PEX5L: variants seen among roughly 807,000 people sequenced by gnomAD.
PEX5L encodes the protein PEX5-related protein.
A neutral mutation model predicts 84.0 loss-of-function variants in PEX5L; 30 were observed. That is an observed-to-expected ratio of 0.36 (90% CI 0.27 to 0.48). PEX5L has a LOEUF of 0.48. PEX5L is among the 20% of genes least tolerant of loss of function. The pLI, the probability that PEX5L is intolerant of heterozygous loss-of-function variation, is 0.99. For synonymous variants in PEX5L, 270 were observed against 283.1 expected, an observed-to-expected ratio of 0.95 and a Z score of 0.46; for missense variants, 533 against 754.6, an observed-to-expected ratio of 0.71 and a Z score of 3.44.
At chr3:179,898,409 T>C (rs1242525010) in intron 2 of PEX5L, 163 bp from the exon 3 acceptor site, 2 of 455,234 alleles carry the variant, frequency 4.4e-6, no homozygotes, top group Admixed American at 3.8e-5. Flanking sequence ...ACACAAAATC[T>C]GAAAAAAGAT....
chr3:179,975,672 C>G (rs1407091477), intron 1 of PEX5L, among the ~76,000 whole-genome samples: 1 of 152,198 alleles, frequency 6.6e-6, no homozygotes, highest in African/African-American at 2.4e-5. Flanking sequence ...AAAAGACCTT[C>G]TTACTGTTTT....
intron 8 of PEX5L, among the ~76,000 whole-genome samples, chr3:179,821,994 T>C (rs984734766): frequency 2.0e-5 from 3 of 152,248 alleles, no homozygotes; most frequent in Non-Finnish European, 4.4e-5. Context: ...CAAAAATATC[T>C]TTCCTTTTTT....
intron 2 of PEX5L, among the ~76,000 whole-genome samples, chr3:179,899,811 A>C (rs1323786855): frequency 1.3e-5 from 2 of 152,192 alleles, no homozygotes; most frequent in African/African-American, 4.8e-5. Context: ...TGGAATATCA[A>C]ATACTAGAGA....
rs182197021 is a variant in PEX5L at position 179,812,480 on chromosome 3, G to A, written c.1084-609C>T. Among the ~76,000 whole-genome samples, 5 of 152,016 alleles carry A rather than the reference G, an allele frequency of 3.3e-5. No individual in the cohort carries two copies. The East Asian group carries it at 9.7e-4, about 29-fold the overall frequency. ...ATTTATACATTTCATCGTACCTTAA[G>A]CCCTTTTTCATGTTTTTACAAAATC... On this transcript the variant is annotated intron_variant, in intron 10 of 14. Transcript: ENST00000467460.
At chr3:179,876,636 A>G (rs1752507543) in intron 5 of PEX5L, among the ~76,000 whole-genome samples, 1 of 152,218 alleles carries the variant, frequency 6.6e-6, no homozygotes, top group Admixed American at 6.5e-5. Flanking sequence ...GCATTAGTAC[A>G]GTCGCACTGC....
intron 2 of PEX5L, among the ~76,000 whole-genome samples, chr3:179,942,354 C>T (rs1776370979): frequency 6.6e-6 from 1 of 152,236 alleles, no homozygotes; most frequent in African/African-American, 2.4e-5. Context: ...ACCCGATGTC[C>T]CTCTCGCGGC....
chr3:179,811,240 T>C (rs1442036687), intron 11 of PEX5L, among the ~76,000 whole-genome samples: 1 of 145,306 alleles, frequency 6.9e-6, no homozygotes, highest in Non-Finnish European at 1.5e-5. Context: ...TGTGTGTGTG[T>C]GTGTGTGCAT....
chr3:179,838,838 A>G (rs1735965772), intron 8 of PEX5L, among the ~76,000 whole-genome samples: 1 of 152,150 alleles, frequency 6.6e-6, no homozygotes, highest in South Asian at 2.1e-4. Context: ...TTAAGAAGGA[A>G]ACGCTTTATA....
intron 2 of PEX5L, among the ~76,000 whole-genome samples, chr3:179,964,419 G>T (rs746934706): frequency 3.9e-5 from 6 of 152,054 alleles, no homozygotes; most frequent in Non-Finnish European, 8.8e-5. Flanking sequence ...TGCCAAAAGC[G>T]ATTGCAACAA....
chr3:179,999,771 G>C (rs1031623805), intron 1 of PEX5L, among the ~76,000 whole-genome samples: 1 of 152,182 alleles, frequency 6.6e-6, no homozygotes, highest in Non-Finnish European at 1.5e-5. Flanking sequence ...TCGCTTTATG[G>C]CTAAAGAAGT....
At chr3:179,889,095 G>T (rs1441516848) in intron 3 of PEX5L, among the ~76,000 whole-genome samples, 2 of 152,034 alleles carry the variant, frequency 1.3e-5, no homozygotes, top group East Asian at 1.9e-4. Flanking sequence ...GATTTTTTAA[G>T]AACTTATTTG....
At chr3:180,024,991 CTA>C (rs1461323108) in intron 1 of PEX5L, among the ~76,000 whole-genome samples, 2 of 152,128 alleles carry the variant, frequency 1.3e-5, no homozygotes, top group Non-Finnish European at 2.9e-5. Context: ...TTAGAAGAAT[CTA>C]TTATATTTCT....
intron 2 of PEX5L, among the ~76,000 whole-genome samples, chr3:179,906,586 G>A (rs1763296611): frequency 1.3e-5 from 2 of 152,114 alleles, no homozygotes; most frequent in Admixed American, 6.5e-5. Flanking sequence ...TCCCAAATTT[G>A]TTATAGTTTG....
chr3:179,813,095 C>T (rs550265298), intron 10 of PEX5L, among the ~76,000 whole-genome samples: 74 of 152,282 alleles, frequency 4.9e-4, no homozygotes, highest in South Asian at 1.0e-3. Flanking sequence ...ACAGCAACCT[C>T]TATTTTGATT....
intron 2 of PEX5L, among the ~76,000 whole-genome samples, chr3:179,940,974 C>T (rs897169031): frequency 6.6e-6 from 1 of 152,142 alleles, no homozygotes. Flanking sequence ...ATGTGCCAGG[C>T]GTTATGGTAG....
chr3:179,872,668 G>T (rs1052134932), intron 7 of PEX5L, among the ~76,000 whole-genome samples: 6 of 152,132 alleles, frequency 3.9e-5, no homozygotes, highest in African/African-American at 1.4e-4. Flanking sequence ...TGGCAACCAG[G>T]GACACCAGCT....
Position 179,878,805 on chromosome 3 carries a change from C to T in PEX5L, c.505+1124G>A, listed in dbSNP as rs141460163. Among the ~76,000 whole-genome samples the T allele has an allele frequency of 3.2e-3, 484 of 152,254 alleles. 2 individuals are homozygous for T. Among genetic ancestry groups the T allele is most frequent in the African/African-American group, 0.011 (469 of 41,536 alleles). ...AACTGATGTGGGTTTTCTTTCATTG[C>T]TACATATAGTTAATATTTTATTATA... is the stretch of plus-strand genomic sequence containing the variant. On this transcript the variant is annotated intron_variant, in intron 5 of 14. Transcript: ENST00000467460.
At position 179,857,295 on chromosome 3, in the gene PEX5L, T is replaced by C. The variant is rs1744368137; in HGVS notation, c.822+1767A>G. ...AGAGGAAAGATTAATTCTGACTTGC[T>C]CCAGAGGGGGTAAAACCAAGACCAA... On this transcript the variant is annotated intron_variant, in intron 8 of 14. Coordinates refer to ENST00000467460, the MANE Select transcript of PEX5L (RefSeq NM_016559.3). 2.0e-5 allele frequency among the ~76,000 whole-genome samples: 3 copies of C among 152,284 alleles called. No homozygotes were observed. The South Asian group carries it at 6.2e-4, about 32-fold the overall frequency.
At chr3:179,806,906 AG>A (rs137916751) in intron 14 of PEX5L, among the ~76,000 whole-genome samples, 5,317 of 152,352 alleles carry the variant, frequency 0.035, 184 homozygotes, top group Middle Eastern at 0.14. Context: ...AGAATGAGAA[AG>A]GGTTTACATC....
Sources: allele counts gnomAD v4.1 joint callset (sites outside exome capture counted in the v4.1 genomes callset), GRCh38; gene constraint gnomAD v4.1.1; transcripts MANE v1.5; gene names NCBI Gene and HGNC (gene_info 2026-07-23, HGNC 2026-07-21).